Variants in RPS6KA6 observed in about 807,000 individuals in gnomAD.
RPS6KA6 encodes ribosomal protein S6 kinase alpha-6.
Under a neutral mutation model 65.4 loss-of-function variants are expected in RPS6KA6, and 27 were observed. The observed-to-expected ratio is 0.41, with a 90% CI of 0.30 to 0.57. The LOEUF is 0.57. Ranked by LOEUF, RPS6KA6 falls within the 20% of genes least tolerant of loss-of-function variation. The pLI is 0.24. For synonymous variants in RPS6KA6, 190 were observed against 184.2 expected (o/e 1.03, Z -0.26); for missense variants, 486 against 555.6 (o/e 0.87, Z 1.26).
chrX:84,146,566 C>A (rs2147547729), intron 5 of RPS6KA6, among the ~76,000 whole-genome samples: 1 of 111,517 alleles, frequency 9.0e-6, no homozygotes, highest in African/African-American at 3.2e-5. Context: ...AAAAATAACT[C>A]AAGTAGACTA....
At chrX:84,185,413 C>G (rs1357772394) in intron 1 of RPS6KA6, among the ~76,000 whole-genome samples, 1 of 111,640 alleles carries the variant, frequency 9.0e-6, no homozygotes, top group Non-Finnish European at 1.9e-5. Flanking sequence ...TGGTTAGGCT[C>G]GGCATCATTA....
intron 1 of RPS6KA6, among the ~76,000 whole-genome samples, chrX:84,166,391 G>T (rs1372020678): frequency 9.0e-6 from 1 of 111,139 alleles, no homozygotes. Context: ...GTTCTCAGCA[G>T]AGAAATAGAA....
chrX:84,173,492 T>C (rs2035718139), intron 1 of RPS6KA6, among the ~76,000 whole-genome samples: 1 of 112,037 alleles, frequency 8.9e-6, no homozygotes, highest in Non-Finnish European at 1.9e-5. Context: ...TGAATGTTTT[T>C]CTGATAAAAA....
intron 20 of RPS6KA6, among the ~76,000 whole-genome samples, chrX:84,065,859 A>T (rs900154849): frequency 8.9e-6 from 1 of 111,903 alleles, no homozygotes; most frequent in Non-Finnish European, 1.9e-5. Flanking sequence ...TCCGGTCAGC[A>T]GCTCCCAGTG....
chrX:84,111,806 A>AC (rs201020254), intron 12 of RPS6KA6, among the ~76,000 whole-genome samples: 6,842 of 111,465 alleles, frequency 0.061, 227 homozygotes, highest in East Asian at 0.2. Flanking sequence ...CTAGCTAGCA[A>AC]ATTATGACAG....
chrX:84,168,391 T>C (rs1388898793), intron 1 of RPS6KA6, among the ~76,000 whole-genome samples: 1 of 111,373 alleles, frequency 9.0e-6, no homozygotes, highest in Non-Finnish European at 1.9e-5. Context: ...AAATAACCAA[T>C]ACAAAAAGGA....
intron 12 of RPS6KA6, among the ~76,000 whole-genome samples, chrX:84,108,789 G>A (rs2034412327): frequency 9.0e-6 from 1 of 111,594 alleles, no homozygotes; most frequent in Admixed American, 9.4e-5. Flanking sequence ...CACTAGGCAG[G>A]GAGCAGGGAG....
intron 13 of RPS6KA6, 56 bp downstream of exon 13, chrX:84,107,567 T>C: frequency 1.3e-6 from 1 of 756,440 alleles, no homozygotes; most frequent in South Asian, 3.0e-5. Context: ...AGAAAGTTTA[T>C]TTTTAAACTA....
intron 9 of RPS6KA6, among the ~76,000 whole-genome samples, chrX:84,118,630 A>AC (rs1254904433): frequency 1.8e-5 from 2 of 110,962 alleles, no homozygotes; most frequent in African/African-American, 3.3e-5. Context: ...CATTCTTTGA[A>AC]CCCCCTAAAG....
chrX:84,127,898 CCT>C (rs1569399245), intron 8 of RPS6KA6, among the ~76,000 whole-genome samples: 1 of 111,018 alleles, frequency 9.0e-6, no homozygotes. Flanking sequence ...CATCCTTTCC[CCT>C]GAGACCTGGA....
At chrX:84,126,767 A>C (rs1425891080) in intron 8 of RPS6KA6, among the ~76,000 whole-genome samples, 1 of 111,756 alleles carries the variant, frequency 8.9e-6, no homozygotes, top group Non-Finnish European at 1.9e-5. Context: ...TAAAAAAATT[A>C]AGAAAGAAAT....
chrX:84,126,690 G>C (rs999548817), intron 8 of RPS6KA6, among the ~76,000 whole-genome samples: 1 of 110,689 alleles, frequency 9.0e-6, no homozygotes, highest in African/African-American at 3.3e-5. Context: ...AACAACAAGA[G>C]GAATTTTGTA....
In RPS6KA6 at chrX:84,164,338, T is replaced by A; in HGVS notation, c.131A>T (p.Asp44Val). 8.4e-7 allele frequency: 1 copy of A among 1,190,248 alleles called. No individual in the cohort carries two copies. Among genetic ancestry groups the A allele is most frequent in the South Asian group, 1.8e-5 (1 of 55,497 alleles). ...AACATAAATACTTACATGACAAGAATCTGCTTCTCCCTCTTCCATTGGCTC... is the reference window on the plus strand; with the variant it reads ...AACATAAATACTTACATGACAAGAAACTGCTTCTCCCTCTTCCATTGGCTC... ...VDEPMEEGEA[D>V]SCHDEGVVKE... is the part of the protein sequence containing the mutation. Residue 44 changes from aspartate (D) to valine (V), a missense_variant, in exon 2 of 22, where the codon GAT becomes GTT. Physicochemically the swap from Asp to Val is radical, Grantham distance 152. Coordinates refer to ENST00000262752, the MANE Select transcript of RPS6KA6 (RefSeq NM_014496.5).
intron 20 of RPS6KA6, among the ~76,000 whole-genome samples, chrX:84,077,929 T>A (rs2033696966): frequency 8.9e-6 from 1 of 112,535 alleles, no homozygotes. Context: ...CAAACCATCA[T>A]AAGTTGGGAA....
intron 20 of RPS6KA6, among the ~76,000 whole-genome samples, chrX:84,091,109 G>A (rs1337391122): frequency 8.9e-6 from 1 of 111,747 alleles, no homozygotes; most frequent in Non-Finnish European, 1.9e-5. Context: ...ATGAGGTGAC[G>A]GACTACTTGC....
At chrX:84,098,477 A>C (rs1218902896) in intron 18 of RPS6KA6, among the ~76,000 whole-genome samples, 8 of 111,526 alleles carry the variant, frequency 7.2e-5, no homozygotes, top group African/African-American at 2.6e-4. Context: ...AATAAAAATC[A>C]AATAATACAT....
intron 3 of RPS6KA6, among the ~76,000 whole-genome samples, chrX:84,154,652 A>ACTTCAT (rs1323960924): frequency 9.1e-6 from 1 of 109,406 alleles, no homozygotes; most frequent in Non-Finnish European, 1.9e-5. Context: ...TTCCCCACCA[A>ACTTCAT]CTTCATCACC....
chrX:84,160,108 T>G (rs1332967523), intron 2 of RPS6KA6, among the ~76,000 whole-genome samples: 1 of 111,456 alleles, frequency 9.0e-6, no homozygotes, highest in Non-Finnish European at 1.9e-5. Flanking sequence ...TACTGTGAAA[T>G]GAAGATTTAA....
In RPS6KA6 at chrX:84,060,580, C is replaced by A. The variant is rs2033288367; in HGVS notation, c.*3697G>T. The A allele has an allele frequency of 9.1e-6, 1 of 109,967 alleles. No homozygotes were observed. Among genetic ancestry groups the A allele is most frequent in the African/African-American group, 3.3e-5 (1 of 30,281 alleles). The allele number at this position is 109,967 out of a possible 1,213,427, so 9.1% of individuals were successfully genotyped here. On this transcript the variant is annotated 3_prime_UTR_variant, in exon 22 of 22. Coordinates refer to ENST00000262752, the MANE Select transcript of RPS6KA6 (RefSeq NM_014496.5). ...AAAACAACATATACAGAAATAATCG[C>A]CAATCTCTGTCTACCTCCACATCAT...
Sources: allele counts gnomAD v4.1 joint callset (sites outside exome capture counted in the v4.1 genomes callset), GRCh38; gene constraint gnomAD v4.1.1; transcripts MANE v1.5; gene names NCBI Gene and HGNC (gene_info 2026-07-23, HGNC 2026-07-21).